Variants in GLRA3 observed in about 807,000 individuals in gnomAD.
GLRA3 encodes glycine receptor alpha 3.
In GLRA3, 44 loss-of-function variants were observed where a neutral mutation model predicts 60.4. That is an observed-to-expected ratio of 0.73 (90% CI 0.57 to 0.94). The LOEUF is 0.94. Among genes scored for constraint, GLRA3 ranks in the 40% least tolerant of loss-of-function variants. GLRA3 has a pLI of 0.00. For synonymous variants in GLRA3, 223 were observed against 192.9 expected, an observed-to-expected ratio of 1.16 and a Z score of -1.29; for missense variants, 508 against 564.6, an observed-to-expected ratio of 0.90 and a Z score of 1.02.
intron 1 of GLRA3, among the ~76,000 whole-genome samples, chr4:174,793,125 T>C (rs1739422539): frequency 6.6e-6 from 1 of 152,210 alleles, no homozygotes; most frequent in Admixed American, 6.5e-5. Context: ...AGTTTTCTTG[T>C]TGCTTTCATA....
Position 174,711,480 on chromosome 4 carries a change from G to A in GLRA3, c.574+4008C>T, listed in dbSNP as rs556291701. 1.3e-3 allele frequency among the ~76,000 whole-genome samples: 187 copies of A among 145,748 alleles called. 1 individual carries two copies. Among genetic ancestry groups the A allele is most frequent in the African/African-American group, 3.8e-3 (151 of 39,388 alleles). On this transcript the variant is annotated intron_variant, in intron 5 of 9. Transcript: ENST00000274093. ...TTTTTAGAGAGAGTCTCACTCTGTC[G>A]CCCATGCTGAGTGCAGTGGCACCAT...
At chr4:174,681,102 G>A (rs1734324617) in intron 6 of GLRA3, among the ~76,000 whole-genome samples, 1 of 152,174 alleles carries the variant, frequency 6.6e-6, no homozygotes, top group African/African-American at 2.4e-5. Context: ...CTTCTAGAAT[G>A]TAAAGTTGTA....
intron 4 of GLRA3, 96 bp downstream of exon 4, chr4:174,728,379 G>C: frequency 1.5e-6 from 1 of 679,546 alleles, no homozygotes; most frequent in Non-Finnish European, 2.6e-6. Context: ...GATAGCACTT[G>C]TTCAAAAATG....
At chr4:174,824,456 A>G (rs1421117458) in intron 1 of GLRA3, among the ~76,000 whole-genome samples, 1 of 152,174 alleles carries the variant, frequency 6.6e-6, no homozygotes, top group Admixed American at 6.5e-5. Flanking sequence ...ACTCAGTTAT[A>G]ATTAAATTAC....
chr4:174,651,160 C>T (rs1733007743), intron 9 of GLRA3, among the ~76,000 whole-genome samples: 2 of 152,160 alleles, frequency 1.3e-5, no homozygotes, highest in South Asian at 4.1e-4. Context: ...AACAAAGGAA[C>T]ACATTTTAGC....
At chr4:174,784,202 A>C (rs1460326641) in intron 2 of GLRA3, among the ~76,000 whole-genome samples, 2 of 70,450 alleles carry the variant, frequency 2.8e-5, no homozygotes, top group South Asian at 9.8e-4. Flanking sequence ...CATCATTCTC[A>C]GTAAACTATC....
At chr4:174,672,213 GT>G (rs1400616302) in intron 7 of GLRA3, among the ~76,000 whole-genome samples, 1 of 152,056 alleles carries the variant, frequency 6.6e-6, no homozygotes, top group African/African-American at 2.4e-5. Flanking sequence ...GAGCAGAGAA[GT>G]CCACATAGAA....
chr4:174,652,504 G>A (rs533832750), intron 9 of GLRA3, among the ~76,000 whole-genome samples: 6 of 152,126 alleles, frequency 3.9e-5, no homozygotes, highest in Admixed American at 1.3e-4. Flanking sequence ...GGTAGGCAAC[G>A]AAGAATGGAG....
intron 2 of GLRA3, among the ~76,000 whole-genome samples, chr4:174,778,982 G>A (rs1738744925): frequency 6.6e-6 from 1 of 152,174 alleles, no homozygotes; most frequent in Admixed American, 6.5e-5. Flanking sequence ...GCTCAAGGAG[G>A]CCTGCCTGCC....
intron 3 of GLRA3, among the ~76,000 whole-genome samples, chr4:174,745,322 ATGG>A (rs1737200268): frequency 6.6e-6 from 1 of 152,144 alleles, no homozygotes; most frequent in Non-Finnish European, 1.5e-5. Context: ...ACAATGCAAA[ATGG>A]TCTCCGTGAC....
chr4:174,796,367 G>A (rs956522415), intron 1 of GLRA3, among the ~76,000 whole-genome samples: 1 of 152,078 alleles, frequency 6.6e-6, no homozygotes, highest in Non-Finnish European at 1.5e-5. Flanking sequence ...CAGCCTGAAA[G>A]GACTCAAGTA....
chr4:174,797,864 CAG>C (rs1438473316), intron 1 of GLRA3, among the ~76,000 whole-genome samples: 2 of 151,192 alleles, frequency 1.3e-5, no homozygotes, highest in African/African-American at 4.9e-5. Flanking sequence ...GTCAAAGCTG[CAG>C]AGAGCCATGA....
At chr4:174,755,640 C>T (rs1737662170) in intron 3 of GLRA3, among the ~76,000 whole-genome samples, 1 of 151,796 alleles carries the variant, frequency 6.6e-6, no homozygotes. Context: ...AAGTTATTTA[C>T]CAGAGGCAAT....
At position 174,676,389 on chromosome 4, in the gene GLRA3, C is replaced by T. The variant is rs543540710; in HGVS notation, c.927+689G>A. Among the ~76,000 whole-genome samples the T allele has an allele frequency of 1.3e-4, 19 of 143,884 alleles. 1 individual carries two copies. Among genetic ancestry groups the T allele is most frequent in the Non-Finnish European group, 2.6e-4 (17 of 65,016 alleles). 94.4% of individuals were successfully genotyped at this position (143,884 alleles called of 152,430 possible). A position where few individuals can be genotyped will look rare whatever the true frequency, so the allele number is the denominator to read the frequency against. On this transcript the variant is annotated intron_variant, in intron 7 of 9. Transcript: ENST00000274093. ...GCACTATGGGCACTCTGATAAAATACTTGTAGTATAATTGGTATATTTCTT... is the reference window on the plus strand; with the variant it reads ...GCACTATGGGCACTCTGATAAAATATTTGTAGTATAATTGGTATATTTCTT...
At chr4:174,674,991 G>T (rs1734058945) in intron 7 of GLRA3, among the ~76,000 whole-genome samples, 2 of 151,942 alleles carry the variant, frequency 1.3e-5, no homozygotes, top group Admixed American at 1.3e-4. Context: ...GTTTATCCTG[G>T]GTCCTTGGGG....
chr4:174,690,180 T>G (rs1040245125), intron 5 of GLRA3, among the ~76,000 whole-genome samples: 1 of 152,184 alleles, frequency 6.6e-6, no homozygotes, highest in African/African-American at 2.4e-5. Context: ...TTAAACACTA[T>G]AACTTTATTT....
At chr4:174,680,618 G>A (rs1477580299) in intron 6 of GLRA3, among the ~76,000 whole-genome samples, 3 of 152,110 alleles carry the variant, frequency 2.0e-5, no homozygotes, top group African/African-American at 7.2e-5. Context: ...ATATAAGCAA[G>A]CAAGTCATTG....
intron 4 of GLRA3, among the ~76,000 whole-genome samples, chr4:174,720,339 T>G (rs182043547): frequency 1.9e-4 from 29 of 152,308 alleles, no homozygotes; most frequent in Admixed American, 5.9e-4. Context: ...GAACGTATAC[T>G]TTTCTTTAAA....
In GLRA3 at chr4:174,642,036, T is replaced by C. The variant is rs1279762441; in HGVS notation, c.*1750A>G. On this transcript the variant is annotated 3_prime_UTR_variant, in exon 10 of 10. Coordinates refer to ENST00000274093, the MANE Select transcript of GLRA3 (RefSeq NM_006529.4). ...CTTACAGAGTAACAAATTCTTTTGG[T>C]TGTGTCATTTGCACATAATGCCAAA... 2 of 527,722 alleles carry C rather than the reference T, an allele frequency of 3.8e-6. No individual in the cohort carries two copies. The highest frequency in any genetic ancestry group is 2.4e-6 in the Non-Finnish European group (1 of 411,802). The allele number at this position is 527,722 out of a possible 1,614,324, so 32.7% of individuals were successfully genotyped here.
Sources: gnomAD v4.1 joint callset for allele counts (sites outside exome capture counted in the v4.1 genomes callset) on GRCh38, gnomAD v4.1.1 for gene constraint, MANE v1.5 for transcripts, NCBI Gene and HGNC (gene_info 2026-07-23, HGNC 2026-07-21) for gene names.